Variants in CACNG8 observed in about 807,000 individuals in gnomAD.
The protein encoded by CACNG8 is voltage-dependent calcium channel gamma-8 subunit.
Under a neutral mutation model 26.9 loss-of-function variants are expected in CACNG8, and 5 were observed. The ratio of observed to expected loss-of-function variants is 0.19; its 90% CI spans 0.10 to 0.39. The LOEUF is 0.39. Ranked by LOEUF, CACNG8 falls within the 10% of genes least tolerant of loss-of-function variation. The probability of loss-of-function intolerance (pLI) is 1.00; values close to 1 mark genes in which losing one functional copy is unlikely to be tolerated. For missense variants in CACNG8, 473 were observed against 609.4 expected (o/e 0.78, Z 2.36); for synonymous variants, 321 against 296.7 (o/e 1.08, Z -0.84).
chr19:53,980,106 A>G, intron 3 of CACNG8, 99 bp downstream of exon 3: 1 of 1,266,836 alleles, frequency 7.9e-7, no homozygotes, highest in Non-Finnish European at 1.1e-6. Context: ...GCGTGAGTGC[A>G]AGTGCGCGTT....
At chr19:53,963,454 C>T in intron 1 of CACNG8, 29 bp downstream of exon 1, 1 of 1,425,462 alleles carries the variant, frequency 7.0e-7, no homozygotes. Context: ...TCCCCGCAGC[C>T]CCCGCCGCTC....
chr19:53,979,525 G>T (rs1013027124), intron 2 of CACNG8, among the ~76,000 whole-genome samples: 7 of 152,110 alleles, frequency 4.6e-5, no homozygotes, highest in Admixed American at 3.9e-4. Context: ...GGACGAGAAA[G>T]AGAAAGGGAG....
Position 53,982,199 on chromosome 19 carries a change from G to T in CACNG8, c.628G>T (p.Gly210Trp). The change falls in exon 4 of 4, where the codon GGG (glycine) becomes TGG (tryptophan). Residue 210 changes from glycine to tryptophan, a missense_variant. Transcript: ENST00000270458. The surrounding 1 kb of genome is among the most constrained non-coding windows in gnomAD (Gnocchi z 8.4). ...GTACGGCTGGTCCTTCTACTTCGGC[G>T]GGCTGTCGTTCATCCTGGCCGAGGT... is the stretch of plus-strand genomic sequence containing the variant. 6.2e-7 allele frequency: 1 copy of T among 1,613,192 alleles called. No individual in the cohort carries two copies. Among genetic ancestry groups the T allele is most frequent in the East Asian group, 2.2e-5 (1 of 44,840 alleles).
At position 53,982,917 on chromosome 19, in the gene CACNG8, CG is replaced by C; in HGVS notation, c.*72del. On this transcript the variant is annotated 3_prime_UTR_variant, in exon 4 of 4. Coordinates refer to ENST00000270458, the MANE Select transcript of CACNG8 (RefSeq NM_031895.6). This position sits in a 1 kb window ranked among gnomAD's most constrained non-coding sequence, Gnocchi z 8.4. ...GCGGGCGCGCGTGCATCGAGGCTGCCGGGGTCGGGGGCGCCCCCGCTTTCCC... is the reference window on the plus strand; with the variant it reads ...GCGGGCGCGCGTGCATCGAGGCTGCCGGGTCGGGGGCGCCCCCGCTTTCCC... The C allele has an allele frequency of 9.1e-7, 1 of 1,097,678 alleles. No individual in the cohort carries two copies. Among genetic ancestry groups the C allele is most frequent in the Non-Finnish European group, 1.1e-6 (1 of 883,218 alleles). 68.0% of individuals were successfully genotyped at this position (1,097,678 alleles called of 1,614,324 possible). A position where few individuals can be genotyped will look rare whatever the true frequency, so the allele number is the denominator to read the frequency against.
At chr19:53,970,931 CAAA>C (rs34478690) in intron 1 of CACNG8, among the ~76,000 whole-genome samples, 3 of 96,636 alleles carry the variant, frequency 3.1e-5, no homozygotes, top group Admixed American at 1.1e-4. Context: ...GACCCTATCT[CAAA>C]AAAAAAAAAA....
rs553610617 is a variant in CACNG8 at position 53,965,975 on chromosome 19, G to T, written c.283+2550G>T. On this transcript the variant is annotated intron_variant, in intron 1 of 3. Transcript: ENST00000270458. ...GGCTGTGTGTTGATCAAGCCAGTGT[G>T]AGGTCAGCGTGGCCGGGGCAGAGTG... Among the ~76,000 whole-genome samples, 10 of 152,278 alleles carry T rather than the reference G, an allele frequency of 6.6e-5. No homozygotes were observed. In the East Asian group the frequency reaches 1.5e-3, roughly 23 times the overall value.
intron 1 of CACNG8, among the ~76,000 whole-genome samples, chr19:53,972,319 G>T (rs150367979): frequency 0.017 from 2,382 of 139,938 alleles, 64 homozygotes; most frequent in African/African-American, 0.058. Flanking sequence ...TTTCTTGCTT[G>T]CTTTCTTTCT....
Position 53,986,753 on chromosome 19 carries a change from A to G in CACNG8, c.*3904A>G, listed in dbSNP as rs984652611. On this transcript the variant is annotated 3_prime_UTR_variant, in exon 4 of 4. Transcript: ENST00000270458. ...GTAACAGAATGACAGAGCAAGGATG[A>G]CTTTAGATGAGGTCCTTGGAGTAGA... 7 of 152,324 alleles carry G rather than the reference A, an allele frequency of 4.6e-5. No individual in the cohort carries two copies. Among genetic ancestry groups the G allele is most frequent in the African/African-American group, 1.7e-4 (7 of 41,454 alleles). The allele number at this position is 152,324 out of a possible 1,614,324, so 9.4% of individuals were successfully genotyped here.
In CACNG8 at chr19:53,982,228, A is replaced by T. The variant is rs764716851; in HGVS notation, c.657A>T (p.Ile219=). 1.2e-6 allele frequency: 2 copies of T among 1,613,012 alleles called. No individual in the cohort carries two copies. The highest frequency in any genetic ancestry group is 2.2e-5 in the South Asian group (2 of 91,038). ...TGTCGTTCATCCTGGCCGAGGTGATAGGCGTGCTGGCCGTCAACATCTACA... is the reference window on the plus strand; with the variant it reads ...TGTCGTTCATCCTGGCCGAGGTGATTGGCGTGCTGGCCGTCAACATCTACA... The change falls in exon 4 of 4, where the codon ATA becomes ATT. Residue 219 remains isoleucine (I), a synonymous_variant. Coordinates refer to ENST00000270458, the MANE Select transcript of CACNG8 (RefSeq NM_031895.6). The surrounding 1 kb of genome is among the most constrained non-coding windows in gnomAD (Gnocchi z 8.4).
intron 1 of CACNG8, among the ~76,000 whole-genome samples, chr19:53,966,755 A>G (rs2069274383): frequency 6.6e-6 from 1 of 152,148 alleles, no homozygotes; most frequent in African/African-American, 2.4e-5. Context: ...GGAGCCGTTG[A>G]AGGTTCTTGA....
Position 53,982,402 on chromosome 19 carries a change from C to T in CACNG8, c.831C>T (p.Ser277=), listed in dbSNP as rs1431066494. 2 of 1,524,774 alleles carry T rather than the reference C, an allele frequency of 1.3e-6. No individual in the cohort carries two copies. The highest frequency in any genetic ancestry group is 2.6e-5 in the East Asian group (1 of 39,160). The allele number at this position is 1,524,774 out of a possible 1,614,324, so 94.5% of individuals were successfully genotyped here. A position where few individuals can be genotyped will look rare whatever the true frequency, so the allele number is the denominator to read the frequency against. Reference sequence around the variant, plus strand: ...GCTACCGCCGCCGCTCCCGCTCTAGCTCCCGCTCCAGCGAGCCGTCGCCGT... The same window carrying T: ...GCTACCGCCGCCGCTCCCGCTCTAGTTCCCGCTCCAGCGAGCCGTCGCCGT... Residue 277 remains serine (S), a synonymous_variant, in exon 4 of 4, where the codon AGC becomes AGT. Coordinates refer to ENST00000270458, the MANE Select transcript of CACNG8 (RefSeq NM_031895.6). This position sits in a 1 kb window ranked among gnomAD's most constrained non-coding sequence, Gnocchi z 8.4.
rs57220250 is a variant in CACNG8 at position 53,988,271 on chromosome 19, A to AGT, written c.*5455_*5456dup. 0.14 allele frequency: 19,560 copies of AGT among 144,164 alleles called. 1,305 individuals are homozygous for AGT. The highest frequency in any genetic ancestry group is 0.15 in the Non-Finnish European group (9,830 of 66,384). The allele number at this position is 144,164 out of a possible 1,614,324, so 8.9% of individuals were successfully genotyped here. A position where few individuals can be genotyped will look rare whatever the true frequency, so the allele number is the denominator to read the frequency against. ...GACAGAAGGAAAGGGAATTCAGGCA[A>AGT]GTGTGTGTGTGTGTGTGTGTGTGTG... On this transcript the variant is annotated 3_prime_UTR_variant, in exon 4 of 4. Transcript: ENST00000270458.
intron 1 of CACNG8, among the ~76,000 whole-genome samples, chr19:53,965,146 C>T (rs772044544): frequency 7.9e-5 from 12 of 152,188 alleles, no homozygotes; most frequent in Non-Finnish European, 1.6e-4. Flanking sequence ...ACTCGAATCT[C>T]ATGGATGGGA....
chr19:53,985,937 C>T lies in CACNG8; in HGVS notation c.*3088C>T, dbSNP rs1048673892. On this transcript the variant is annotated 3_prime_UTR_variant, in exon 4 of 4. Coordinates refer to ENST00000270458, the MANE Select transcript of CACNG8 (RefSeq NM_031895.6). ...TCTAGAGTCTGAAGGCCAAACAGAA[C>T]GAGAGAGAGAGAGAGAGAGAGAGAA... The T allele has an allele frequency of 6.8e-6, 1 of 146,554 alleles. No individual in the cohort carries two copies. Among genetic ancestry groups the T allele is most frequent in the African/African-American group, 2.6e-5 (1 of 39,134 alleles). The allele number at this position is 146,554 out of a possible 1,614,324, so 9.1% of individuals were successfully genotyped here.
rs1402971058 is a variant in CACNG8, at chr19:53,982,968, GGCCCGCCCCAC to G, written c.*124_*134del. 1.0e-5 allele frequency: 6 copies of G among 598,300 alleles called. No homozygotes were observed. Among genetic ancestry groups the G allele is most frequent in the Non-Finnish European group, 9.2e-6 (4 of 436,364 alleles). The allele number at this position is 598,300 out of a possible 1,614,324, so 37.1% of individuals were successfully genotyped here. ...CCCGTGAGCGCGCTGGAGACTGCTG[GGCCCGCCCCAC>G]GCCCACCCTCCCCGCCCCCCTCCCC... On this transcript the variant is annotated 3_prime_UTR_variant, in exon 4 of 4. Transcript: ENST00000270458. This position sits in a 1 kb window ranked among gnomAD's most constrained non-coding sequence, Gnocchi z 8.4.
rs750076301 is a variant in CACNG8, at chr19:53,978,214, G to A, written c.352G>A (p.Ala118Thr). The change falls in exon 2 of 4, where the codon GCG becomes ACG. Residue 118 changes from alanine (A) to threonine (T), a missense_variant. This residue lies in a region of CACNG8 where 155 missense variants were observed against 253.0 expected (regional missense o/e 0.61). Coordinates refer to ENST00000270458, the MANE Select transcript of CACNG8 (RefSeq NM_031895.6). ...GGACACGGACTACGACCACGACAGC[G>A]CGGAGTATCTACTCCGTACGTGGGG... is the stretch of plus-strand genomic sequence containing the variant. 6.2e-7 allele frequency: 1 copy of A among 1,612,714 alleles called. No individual in the cohort carries two copies. The highest frequency in any genetic ancestry group is 8.5e-7 in the Non-Finnish European group (1 of 1,179,594).
intron 1 of CACNG8, among the ~76,000 whole-genome samples, chr19:53,964,178 G>A (rs562201071): frequency 1.1e-4 from 17 of 151,142 alleles, no homozygotes; most frequent in African/African-American, 3.9e-4. Context: ...CCTCTCCCTC[G>A]TGCCCCGTGA....
chr19:53,974,120 C>G (rs56266601), intron 1 of CACNG8, among the ~76,000 whole-genome samples: 1 of 152,050 alleles, frequency 6.6e-6, no homozygotes, highest in Non-Finnish European at 1.5e-5. Flanking sequence ...CACATCCCCC[C>G]ACCCTCCAGC....
chr19:53,980,602 AGAAAAGACGGGGCGATGCCTGGAAAAGCC>A, intron 3 of CACNG8, among the ~76,000 whole-genome samples: 2 of 152,272 alleles, frequency 1.3e-5, no homozygotes, highest in South Asian at 4.1e-4. Flanking sequence ...AGGAGAGGCT[AGAAAAGACGGGGCGATGCCTGGAAAAGCC>A]AAAGGGGGAG....
Sources: gnomAD v4.1 joint callset for allele counts (sites outside exome capture counted in the v4.1 genomes callset) on GRCh38, gnomAD v4.1.1 for gene constraint, gnomAD v4.1.1 regional missense constraint, Gnocchi (gnomAD v3.1) non-coding constraint, MANE v1.5 for transcripts, NCBI Gene and HGNC (gene_info 2026-07-23, HGNC 2026-07-21) for gene names.